The following TOX variants were observed in gnomAD, a reference collection of about 807,000 sequenced individuals.
TOX encodes thymocyte selection associated high mobility group box.
A neutral mutation model predicts 53.7 loss-of-function variants in TOX; 11 were observed. That is an observed-to-expected ratio of 0.20 (90% confidence interval 0.13 to 0.34). The LOEUF (loss-of-function observed/expected upper bound fraction) is 0.34, where lower values mean the gene tolerates loss of function less well. Among genes scored for constraint, TOX ranks in the 10% least tolerant of loss-of-function variants. The probability of loss-of-function intolerance (pLI) is 1.00; values close to 1 mark genes in which losing one functional copy is unlikely to be tolerated. For missense variants in TOX, 570 were observed against 664.6 expected (o/e 0.86, Z 1.56); for synonymous variants, 225 against 245.3 (o/e 0.92, Z 0.77).
At chr8:58,971,319 A>G (rs947204996) in intron 1 of TOX, among the ~76,000 whole-genome samples, 1 of 152,210 alleles carries the variant, frequency 6.6e-6, no homozygotes, top group Non-Finnish European at 1.5e-5. Flanking sequence ...CTTCTCTTGT[A>G]GGTAAGGCAG....
intron 3 of TOX, among the ~76,000 whole-genome samples, chr8:58,935,617 T>C (rs1413080955): frequency 1.3e-5 from 2 of 152,208 alleles, no homozygotes; most frequent in Non-Finnish European, 2.9e-5. Flanking sequence ...GTGGGCAACA[T>C]TTAAACTCTC....
intron 1 of TOX, among the ~76,000 whole-genome samples, chr8:59,101,185 C>T (rs888680169): frequency 1.3e-5 from 2 of 152,172 alleles, no homozygotes; most frequent in Non-Finnish European, 2.9e-5. Flanking sequence ...TAAAGTTGTC[C>T]ATTTAATTCT....
chr8:58,954,326 G>T (rs975362370), intron 2 of TOX, among the ~76,000 whole-genome samples: 2 of 152,160 alleles, frequency 1.3e-5, no homozygotes. Flanking sequence ...GAATTGAATC[G>T]TTGCAATGGA....
chr8:59,021,646 G>A (rs907105183), intron 1 of TOX, among the ~76,000 whole-genome samples: 3 of 151,464 alleles, frequency 2.0e-5, no homozygotes, highest in African/African-American at 7.3e-5. Flanking sequence ...TACAAAAATA[G>A]ATTGGTTTTC....
intron 1 of TOX, among the ~76,000 whole-genome samples, chr8:59,019,068 A>G (rs117405734): frequency 0.021 from 3,234 of 152,158 alleles, 93 homozygotes; most frequent in South Asian, 0.1. Context: ...GATAATCCCT[A>G]TTTTATAAAA....
intron 3 of TOX, among the ~76,000 whole-genome samples, chr8:58,926,565 G>A (rs1812163314): frequency 6.6e-6 from 1 of 152,156 alleles, no homozygotes; most frequent in South Asian, 2.1e-4. Context: ...AAAAGTAGCA[G>A]GAATTTAATA....
intron 2 of TOX, among the ~76,000 whole-genome samples, chr8:58,940,198 C>T (rs1450558146): frequency 6.6e-6 from 1 of 152,106 alleles, no homozygotes; most frequent in Non-Finnish European, 1.5e-5. Flanking sequence ...ACTTGATTTC[C>T]TCCTAAGAGC....
At chr8:59,079,267 G>C (rs1383950078) in intron 1 of TOX, among the ~76,000 whole-genome samples, 1 of 152,172 alleles carries the variant, frequency 6.6e-6, no homozygotes, top group East Asian at 1.9e-4. Context: ...TGCAAATATA[G>C]CAAAATTGGC....
At chr8:58,845,112 G>A (rs1449749997) in intron 4 of TOX, among the ~76,000 whole-genome samples, 2 of 152,114 alleles carry the variant, frequency 1.3e-5, no homozygotes, top group Admixed American at 6.6e-5. Flanking sequence ...CACTGATATT[G>A]AAATGTCCCT....
intron 5 of TOX, among the ~76,000 whole-genome samples, chr8:58,828,089 A>G (rs1009057144): frequency 4.6e-5 from 7 of 152,234 alleles, no homozygotes; most frequent in Admixed American, 2.6e-4. Context: ...TTAAATATAA[A>G]TTATGTCTAA....
chr8:59,068,871 A>C (rs73256315), intron 1 of TOX, among the ~76,000 whole-genome samples: 6 of 152,142 alleles, frequency 3.9e-5, no homozygotes, highest in African/African-American at 1.4e-4. Context: ...TATAGAGCTG[A>C]AGTTGGGTCT....
intron 1 of TOX, among the ~76,000 whole-genome samples, chr8:59,009,370 CTCTTTCTT>C (rs1035163021): frequency 6.7e-6 from 1 of 149,298 alleles, no homozygotes; most frequent in African/African-American, 2.5e-5. Context: ...CTCTCTTTCT[CTCTTTCTT>C]TCTTTCTTTT....
Position 58,851,381 on chromosome 8 carries a change from T to A in TOX, c.693+143A>T, listed in dbSNP as rs1810818988. The A allele has an allele frequency of 1.1e-6, 1 of 924,530 alleles. No individual in the cohort carries two copies. Among genetic ancestry groups the A allele is most frequent in the Non-Finnish European group, 1.6e-6 (1 of 623,864 alleles). 57.3% of individuals were successfully genotyped at this position (924,530 alleles called of 1,614,324 possible). On this transcript the variant is annotated intron_variant, in intron 4 of 8. Transcript: ENST00000361421. The surrounding 1 kb of genome is among the most constrained non-coding windows in gnomAD (Gnocchi z 4.4). The stretch of plus-strand genomic sequence containing the variant: ...CAAGCAGGTGGTTTAATCCAGTATG[T>A]TTGTAACCTCATGCTTCATTAACAA...
intron 1 of TOX, among the ~76,000 whole-genome samples, chr8:59,025,340 C>T (rs1814213956): frequency 1.3e-5 from 2 of 152,080 alleles, no homozygotes; most frequent in Admixed American, 1.3e-4. Context: ...AATTCACCAG[C>T]TGTTTATTTA....
chr8:59,061,997 A>G (rs553529447), intron 1 of TOX, among the ~76,000 whole-genome samples: 1 of 152,232 alleles, frequency 6.6e-6, no homozygotes. Context: ...AGGAATATTT[A>G]CTTGTCCTAA....
chr8:59,084,663 C>T (rs1216883503), intron 1 of TOX, among the ~76,000 whole-genome samples: 1 of 152,128 alleles, frequency 6.6e-6, no homozygotes, highest in East Asian at 1.9e-4. Context: ...CACTAAAATG[C>T]TCTGCTAATT....
At chr8:58,833,602 G>C (rs187770265) in intron 5 of TOX, among the ~76,000 whole-genome samples, 1 of 152,290 alleles carries the variant, frequency 6.6e-6, no homozygotes, top group East Asian at 1.9e-4. Context: ...TTCTCTGCAG[G>C]TTCCAGTCCG....
At chr8:58,838,040 C>T in intron 5 of TOX, 41 bp downstream of exon 5, 1 of 1,594,042 alleles carries the variant, frequency 6.3e-7, no homozygotes, top group Non-Finnish European at 8.6e-7. Context: ...ACTGCACAAT[C>T]TCAGCTTATG....
At chr8:58,948,968 C>G (rs1040985148) in intron 2 of TOX, among the ~76,000 whole-genome samples, 9 of 152,078 alleles carry the variant, frequency 5.9e-5, no homozygotes, top group Non-Finnish European at 8.8e-5. Context: ...TTTTCCATAA[C>G]AAAAGTCAGA....
Sources: allele counts gnomAD v4.1 joint callset (sites outside exome capture counted in the v4.1 genomes callset), GRCh38; gene constraint gnomAD v4.1.1; non-coding constraint Gnocchi (gnomAD v3.1); transcripts MANE v1.5; gene names NCBI Gene and HGNC (gene_info 2026-07-23, HGNC 2026-07-21).